The following FOXP1 variants were observed in gnomAD, a reference collection of about 807,000 sequenced individuals.
The protein encoded by FOXP1 is forkhead box P1.
A neutral mutation model predicts 98.2 loss-of-function variants in FOXP1; 15 were observed. That is an observed-to-expected ratio of 0.15 (90% CI 0.10 to 0.24). The LOEUF (loss-of-function observed/expected upper bound fraction) is 0.24, where lower values mean the gene tolerates loss of function less well. FOXP1 is among the 10% of genes least tolerant of loss of function. The pLI, the probability that FOXP1 is intolerant of heterozygous loss-of-function variation, is 1.00. For synonymous variants in FOXP1, 371 were observed against 314.5 expected (o/e 1.18, Z -1.90); for missense variants, 633 against 848.5 (o/e 0.75, Z 3.15).
chr3:71,275,131 T>C (rs949501431), intron 5 of FOXP1, among the ~76,000 whole-genome samples: 3 of 152,216 alleles, frequency 2.0e-5, no homozygotes, highest in Non-Finnish European at 4.4e-5. Context: ...TATATTTCTT[T>C]TTCTCCCACT....
At chr3:71,382,721 C>CCTA (rs1413073603) in intron 3 of FOXP1, among the ~76,000 whole-genome samples, 4 of 152,206 alleles carry the variant, frequency 2.6e-5, no homozygotes, top group Non-Finnish European at 4.4e-5. Flanking sequence ...CTGCAGCCTA[C>CCTA]CTACTAAGGA....
intron 5 of FOXP1, among the ~76,000 whole-genome samples, chr3:71,240,035 G>T (rs1305605273): frequency 1.3e-5 from 2 of 152,240 alleles, no homozygotes; most frequent in Non-Finnish European, 2.9e-5. Flanking sequence ...GGGGGGCTTC[G>T]AAAGGAAGTA....
intron 11 of FOXP1, among the ~76,000 whole-genome samples, chr3:71,025,570 A>G (rs2046006062): frequency 6.6e-6 from 1 of 152,230 alleles, no homozygotes. Context: ...ACTCACAGAA[A>G]TGCTTGCTGG....
intron 11 of FOXP1, among the ~76,000 whole-genome samples, chr3:71,020,646 A>G (rs1385538481): frequency 3.3e-5 from 5 of 152,228 alleles, no homozygotes; most frequent in Admixed American, 3.3e-4. Flanking sequence ...TGAAGCAAAG[A>G]GTGACCTTGC....
intron 3 of FOXP1, among the ~76,000 whole-genome samples, chr3:71,409,412 G>T (rs1272158746): frequency 6.6e-6 from 1 of 152,090 alleles, no homozygotes; most frequent in African/African-American, 2.4e-5. Flanking sequence ...GATATTTACT[G>T]AGTAAAGAAA....
intron 3 of FOXP1, among the ~76,000 whole-genome samples, chr3:71,469,129 G>A (rs536909424): frequency 4.6e-5 from 7 of 152,242 alleles, no homozygotes; most frequent in Admixed American, 4.6e-4. Context: ...CAATAAAAGT[G>A]CAAATTTATT....
chr3:71,118,910 G>A (rs2058566572), intron 6 of FOXP1, among the ~76,000 whole-genome samples: 1 of 152,130 alleles, frequency 6.6e-6, no homozygotes. Flanking sequence ...TTTTGACAGA[G>A]ACCACATGGC....
chr3:71,410,519 A>G (rs1224457626), intron 3 of FOXP1, among the ~76,000 whole-genome samples: 4 of 152,306 alleles, frequency 2.6e-5, no homozygotes, highest in Non-Finnish European at 5.9e-5. Flanking sequence ...TTCATTCACT[A>G]TAAGCTGTGT....
chr3:71,234,867 C>T lies in FOXP1; in HGVS notation c.-11-36475G>A, dbSNP rs1346397802. Among the ~76,000 whole-genome samples, 3 of 152,152 alleles carry T rather than the reference C, an allele frequency of 2.0e-5. No homozygotes were observed. The East Asian group carries it at 5.8e-4, about 29-fold the overall frequency. The stretch of plus-strand genomic sequence containing the variant: ...ATTGATACTAATGAATCTGCAGCTT[C>T]AGGGCAGAACAGGGCAGGAGGAGGG... On this transcript the variant is annotated intron_variant, in intron 5 of 20. Coordinates refer to ENST00000649528, the MANE Select transcript of FOXP1 (RefSeq NM_001349338.3).
chr3:71,333,797 C>G (rs577200944), intron 4 of FOXP1: 1 of 151,550 alleles, frequency 6.6e-6, no homozygotes, highest in Non-Finnish European at 1.5e-5. Flanking sequence ...GCACTTCAGC[C>G]TGAATGACAG....
chr3:71,473,143 T>A (rs1019633928), intron 3 of FOXP1, among the ~76,000 whole-genome samples: 1 of 152,214 alleles, frequency 6.6e-6, no homozygotes, highest in Admixed American at 6.5e-5. Flanking sequence ...GCATAGCTCA[T>A]TTAATCTCAC....
At chr3:71,030,494 C>T (rs532195553) in intron 11 of FOXP1, among the ~76,000 whole-genome samples, 1 of 152,302 alleles carries the variant, frequency 6.6e-6, no homozygotes, top group East Asian at 1.9e-4. Flanking sequence ...CTTAACCGTT[C>T]TTGTGTAAAT....
chr3:71,526,734 G>A (rs976054308), intron 2 of FOXP1, among the ~76,000 whole-genome samples: 4 of 152,154 alleles, frequency 2.6e-5, no homozygotes, highest in African/African-American at 7.2e-5. Flanking sequence ...TTGGGAGGCC[G>A]AGGTGGGCGG....
chr3:71,540,824 C>A (rs1308189095), intron 2 of FOXP1, among the ~76,000 whole-genome samples: 2 of 152,166 alleles, frequency 1.3e-5, no homozygotes, highest in Non-Finnish European at 2.9e-5. Context: ...TAGCAAATAT[C>A]CAGTGCCCTA....
At chr3:71,488,403 C>G (rs1423716906) in intron 3 of FOXP1, among the ~76,000 whole-genome samples, 1 of 152,136 alleles carries the variant, frequency 6.6e-6, no homozygotes, top group East Asian at 1.9e-4. Context: ...CTGTGTGGTA[C>G]TAGGGAACTG....
chr3:71,275,254 C>T (rs1339175443), intron 5 of FOXP1, among the ~76,000 whole-genome samples: 1 of 152,106 alleles, frequency 6.6e-6, no homozygotes, highest in African/African-American at 2.4e-5. Flanking sequence ...TAGTGATGTC[C>T]CTGGGTGTCC....
chr3:70,978,470 G>A (rs1559623528), intron 14 of FOXP1, among the ~76,000 whole-genome samples: 1 of 118,158 alleles, frequency 8.5e-6, no homozygotes, highest in Non-Finnish European at 1.9e-5. Context: ...ATCTGAAGAA[G>A]TGTCCAGCAG....
intron 5 of FOXP1, among the ~76,000 whole-genome samples, chr3:71,290,967 T>C (rs892932233): frequency 6.6e-5 from 10 of 152,214 alleles, no homozygotes; most frequent in Admixed American, 2.0e-4. Flanking sequence ...CTGGCTGACT[T>C]GCTCTCTTTA....
chr3:71,287,506 G>C (rs548904661), intron 5 of FOXP1, among the ~76,000 whole-genome samples: 1 of 151,998 alleles, frequency 6.6e-6, no homozygotes, highest in Admixed American at 6.5e-5. Flanking sequence ...AGGGCCAAGC[G>C]CTGTGGCTCA....
Sources: gnomAD v4.1 joint callset for allele counts (sites outside exome capture counted in the v4.1 genomes callset) on GRCh38, gnomAD v4.1.1 for gene constraint, MANE v1.5 for transcripts, NCBI Gene and HGNC (gene_info 2026-07-23, HGNC 2026-07-21) for gene names.